The following CD59 variants were observed in gnomAD, a reference collection of about 807,000 sequenced individuals.
The protein encoded by CD59 is CD59 molecule (CD59 blood group), also known as CD59 glycoprotein.
Under a neutral mutation model 7.0 loss-of-function variants are expected in CD59, and 3 were observed. The ratio of observed to expected loss-of-function variants is 0.43; its 90% CI spans 0.19 to 1.10. The LOEUF is 1.10. Ranked by LOEUF, CD59 falls within the 50% of genes least tolerant of loss-of-function variation. The pLI is 0.29. For missense variants in CD59, 143 were observed against 151.0 expected (o/e 0.95, Z 0.28); for synonymous variants, 60 against 62.0 (o/e 0.97, Z 0.15).
chr11:33,711,245 T>C (rs949574080), intron 3 of CD59: 16 of 578,910 alleles, frequency 2.8e-5, no homozygotes, highest in Admixed American at 2.5e-4. Context: ...GATGGGAGAA[T>C]TGTTTGAGGC....
intron 1 of CD59, among the ~76,000 whole-genome samples, chr11:33,729,673 A>G (rs559513537): frequency 1.3e-5 from 2 of 151,850 alleles, no homozygotes; most frequent in East Asian, 1.9e-4. Flanking sequence ...AATTTTTAAA[A>G]AAGAACTTAA....
rs1167328279 is a variant in CD59 at position 33,708,542 on chromosome 11, T to G, written c.*1584A>C. The G allele has an allele frequency of 1.5e-5, 2 of 134,542 alleles. No individual in the cohort carries two copies. Among genetic ancestry groups the G allele is most frequent in the Non-Finnish European group, 3.1e-5 (2 of 65,500 alleles). 8.3% of individuals were successfully genotyped at this position (134,542 alleles called of 1,614,324 possible). A position where few individuals can be genotyped will look rare whatever the true frequency, so the allele number is the denominator to read the frequency against. Reference sequence around the variant, plus strand: ...TGTTTCTCATTCCTTAGAACTCACATGAAATGAGCTTCTTTGCTCAGCCGG... The same window carrying G: ...TGTTTCTCATTCCTTAGAACTCACAGGAAATGAGCTTCTTTGCTCAGCCGG... On this transcript the variant is annotated 3_prime_UTR_variant, in exon 4 of 4. Transcript: ENST00000642928.
At chr11:33,726,500 C>G (rs1298628680) in intron 1 of CD59, among the ~76,000 whole-genome samples, 1 of 152,134 alleles carries the variant, frequency 6.6e-6, no homozygotes, top group East Asian at 1.9e-4. Context: ...ACACGACGTA[C>G]CAGAATCTCT....
intron 2 of CD59, chr11:33,718,661 C>T (rs1009603915): frequency 6.6e-6 from 1 of 152,308 alleles, no homozygotes; most frequent in South Asian, 2.1e-4. Flanking sequence ...CAGCTGGGTA[C>T]CAGCAGACAC....
rs144607751 is a variant in CD59 at position 33,731,469 on chromosome 11, C to T, written c.-19+4913G>A. On this transcript the variant is annotated intron_variant, in intron 1 of 3. Transcript: ENST00000642928. ...CTCCTACACCAACTGGTGCTAAAGA[C>T]TAGGACGAAAATAAAAGAGGGTCAT... 735 of 152,232 alleles carry T rather than the reference C, an allele frequency of 4.8e-3. 6 individuals carry two copies. Among genetic ancestry groups the T allele is most frequent in the African/African-American group, 0.016 (685 of 41,522 alleles). The allele number at this position is 152,232 out of a possible 1,614,324, so 9.4% of individuals were successfully genotyped here. A position where few individuals can be genotyped will look rare whatever the true frequency, so the allele number is the denominator to read the frequency against.
At chr11:33,722,130 C>T (rs561784116) in intron 2 of CD59, among the ~76,000 whole-genome samples, 2 of 152,216 alleles carry the variant, frequency 1.3e-5, no homozygotes, top group East Asian at 1.9e-4. Context: ...CTTCAGCCGC[C>T]GATTGTTGAC....
chr11:33,722,847 C>A (rs1319657223), intron 1 of CD59: 5 of 938,188 alleles, frequency 5.3e-6, no homozygotes, highest in Non-Finnish European at 5.5e-6. Context: ...GTGAATCAGA[C>A]CAAAGGGGTG....
At chr11:33,716,097 C>T (rs1165463972) in intron 3 of CD59, among the ~76,000 whole-genome samples, 1 of 152,196 alleles carries the variant, frequency 6.6e-6, no homozygotes, top group African/African-American at 2.4e-5. Context: ...TGAATATGGT[C>T]TTCCAGTGGG....
chr11:33,718,815 A>G (rs1026363495), intron 2 of CD59: 1 of 152,196 alleles, frequency 6.6e-6, no homozygotes, highest in Non-Finnish European at 1.5e-5. Flanking sequence ...CCATTTTTGT[A>G]ACAACAGTGA....
Position 33,725,556 on chromosome 11 carries a change from T to A in CD59, c.-18-3093A>T, listed in dbSNP as rs142616594. Among the ~76,000 whole-genome samples, 208 of 152,294 alleles carry A rather than the reference T, an allele frequency of 1.4e-3. 2 individuals are homozygous for A. Among genetic ancestry groups the A allele is most frequent in the African/African-American group, 4.6e-3 (192 of 41,554 alleles). On this transcript the variant is annotated intron_variant, in intron 1 of 3. Coordinates refer to ENST00000642928, the MANE Select transcript of CD59 (RefSeq NM_000611.6). ...ACTGAAAAATCCCTCAAAGAAGATA[T>A]GTAGGAACAAGTCTTCCCCCATGAT...
In CD59 at chr11:33,720,207, T is replaced by A. The variant is rs555852364; in HGVS notation, c.67+2172A>T. ...AGAGAACTAGGCTCAATTATCTTCA[T>A]CCCCACCTTGCAAGAGAAAACTAAG... is the stretch of plus-strand genomic sequence containing the variant. On this transcript the variant is annotated intron_variant, in intron 2 of 3. Transcript: ENST00000642928. 5.9e-5 allele frequency among the ~76,000 whole-genome samples: 9 copies of A among 152,314 alleles called. No individual in the cohort carries two copies. The South Asian group carries it at 1.4e-3, about 25-fold the overall frequency.
At chr11:33,726,070 A>C (rs547565491) in intron 1 of CD59, among the ~76,000 whole-genome samples, 4 of 152,326 alleles carry the variant, frequency 2.6e-5, no homozygotes, top group African/African-American at 9.6e-5. Context: ...AGATTTCCAC[A>C]CAATAATAGT....
chr11:33,722,732 A>G, intron 1 of CD59: 2 of 1,228,460 alleles, frequency 1.6e-6, no homozygotes, highest in Non-Finnish European at 2.1e-6. Context: ...TCAAATGACA[A>G]TATGAGCAAA....
At chr11:33,726,855 C>A (rs1036346442) in intron 1 of CD59, among the ~76,000 whole-genome samples, 4 of 152,134 alleles carry the variant, frequency 2.6e-5, no homozygotes, top group Non-Finnish European at 4.4e-5. Context: ...ACTACCAATC[C>A]CACAGAAATA....
At chr11:33,733,005 A>T (rs1483785445) in intron 1 of CD59, among the ~76,000 whole-genome samples, 1 of 152,236 alleles carries the variant, frequency 6.6e-6, no homozygotes, top group Admixed American at 6.5e-5. Flanking sequence ...AGAAATTTGA[A>T]GAATGAGATG....
Position 33,722,372 on chromosome 11 carries a change from C to A in CD59, c.67+7G>T. 1 of 1,600,784 alleles carries A rather than the reference C, an allele frequency of 6.2e-7. No homozygotes were observed. Among genetic ancestry groups the A allele is most frequent in the Non-Finnish European group, 8.6e-7 (1 of 1,167,848 alleles). On this transcript the variant is annotated splice_region_variant and intron_variant, in intron 2 of 3. Coordinates refer to ENST00000642928, the MANE Select transcript of CD59 (RefSeq NM_000611.6). ...CTAGATCCATGTCCTGAGACTGGAG[C>A]ACTCACCTGAATGGCAGAAGACAGC...
chr11:33,717,881 T>A, intron 2 of CD59: 1 of 248,310 alleles, frequency 4.0e-6, no homozygotes, highest in South Asian at 5.1e-5. Flanking sequence ...TGGCAATACC[T>A]ATCTGCGTGA....
chr11:33,722,805 G>T, intron 1 of CD59: 1 of 966,392 alleles, frequency 1.0e-6, no homozygotes, highest in Non-Finnish European at 1.3e-6. Context: ...CTGGCTGAAA[G>T]AGAGGGCCAC....
At chr11:33,721,894 C>G (rs772782557) in intron 2 of CD59, among the ~76,000 whole-genome samples, 4 of 152,196 alleles carry the variant, frequency 2.6e-5, no homozygotes, top group African/African-American at 7.2e-5. Context: ...AGCAAATACA[C>G]GTAAAATGCT....
Sources: gnomAD v4.1 joint callset for allele counts (sites outside exome capture counted in the v4.1 genomes callset) on GRCh38, gnomAD v4.1.1 for gene constraint, MANE v1.5 for transcripts, NCBI Gene and HGNC (gene_info 2026-07-23, HGNC 2026-07-21) for gene names.